Variants in DOCK10 observed in about 807,000 individuals in gnomAD.
DOCK10 encodes the protein dedicator of cytokinesis protein 10.
A neutral mutation model predicts 280.1 loss-of-function variants in DOCK10; 145 were observed. The ratio of observed to expected loss-of-function variants is 0.52; its 90% confidence interval spans 0.45 to 0.59. The LOEUF (loss-of-function observed/expected upper bound fraction) is 0.59, where lower values mean the gene tolerates loss of function less well. Ranked by LOEUF, DOCK10 falls within the 20% of genes least tolerant of loss-of-function variation. The pLI is 0.00. For missense variants in DOCK10, 2,368 were observed against 2,651.7 expected (o/e 0.89, Z 2.35); for synonymous variants, 915 against 942.2 (o/e 0.97, Z 0.53).
At chr2:225,010,654 A>AC (rs1689408039) in intron 1 of DOCK10, 2 of 154,312 alleles carry the variant, frequency 1.3e-5, no homozygotes, top group South Asian at 4.1e-4. Context: ...TTCAAATAAG[A>AC]CAGTTCATAC....
chr2:224,934,803 C>A (rs769239921), intron 1 of DOCK10, among the ~76,000 whole-genome samples: 1 of 152,142 alleles, frequency 6.6e-6, no homozygotes, highest in Non-Finnish European at 1.5e-5. Flanking sequence ...AAGGTATGTG[C>A]CAAGATTACT....
rs374303070 is a variant in DOCK10, at chr2:224,839,956, G to C, written c.2778C>G (p.Thr926=). The part of the protein sequence containing the change: ...NEEDEITTTV[T]RVLTDIVAKC... ...TCTTAAGGTTGTGTTATGGATACCT[G>C]GTGACAGTTGTAGTTATTTCATCTT... is the stretch of plus-strand genomic sequence containing the variant. Residue 926 remains threonine, a splice_region_variant and synonymous_variant, in exon 24 of 56, where the codon ACC becomes ACG. Coordinates refer to ENST00000258390, the MANE Select transcript of DOCK10 (RefSeq NM_014689.3). 104 of 1,447,918 alleles carry C rather than the reference G, an allele frequency of 7.2e-5. No individual in the cohort carries two copies. The highest frequency in any genetic ancestry group is 8.8e-5 in the South Asian group (7 of 79,494). 89.7% of individuals were successfully genotyped at this position (1,447,918 alleles called of 1,614,324 possible). A position where few individuals can be genotyped will look rare whatever the true frequency, so the allele number is the denominator to read the frequency against.
intron 27 of DOCK10, among the ~76,000 whole-genome samples, chr2:224,828,225 G>A (rs937724129): frequency 2.0e-5 from 3 of 152,204 alleles, no homozygotes; most frequent in Non-Finnish European, 4.4e-5. Context: ...ACCACCAGGA[G>A]GTAGGGCAGA....
chr2:224,932,792 T>C (rs1454173918), intron 1 of DOCK10, among the ~76,000 whole-genome samples: 1 of 152,240 alleles, frequency 6.6e-6, no homozygotes, highest in East Asian at 1.9e-4. Flanking sequence ...CTCCTAAGGC[T>C]TTCTTTGGAA....
intron 48 of DOCK10, 23 bp downstream of exon 48, chr2:224,789,041 A>C: frequency 6.8e-7 from 1 of 1,468,422 alleles, no homozygotes. Context: ...TCGTTACTGT[A>C]CATGAGATAA....
At chr2:224,951,394 G>A (rs920684909) in intron 1 of DOCK10, among the ~76,000 whole-genome samples, 3 of 151,960 alleles carry the variant, frequency 2.0e-5, no homozygotes, top group Non-Finnish European at 2.9e-5. Context: ...CATACAAAAC[G>A]CACAGTCTCA....
intron 1 of DOCK10, among the ~76,000 whole-genome samples, chr2:224,934,917 A>G (rs934676469): frequency 2.6e-5 from 4 of 152,178 alleles, no homozygotes; most frequent in Non-Finnish European, 4.4e-5. Context: ...GCATGGGAAA[A>G]GGCACCCACC....
chr2:224,770,115 GC>G lies in DOCK10; in HGVS notation c.6444+95del, dbSNP rs1690328647. 1.5e-6 allele frequency: 2 copies of G among 1,343,746 alleles called. No individual in the cohort carries two copies. The highest frequency in any genetic ancestry group is 1.9e-6 in the Non-Finnish European group (2 of 1,026,040). 83.2% of individuals were successfully genotyped at this position (1,343,746 alleles called of 1,614,324 possible). A position where few individuals can be genotyped will look rare whatever the true frequency, so the allele number is the denominator to read the frequency against. ...ACATGGTGCTGATGCAGTGATTTCT[GC>G]AGCAAGAAAAGGGCCTCTTTCCTGT... On this transcript the variant is annotated intron_variant, in intron 55 of 55. Coordinates refer to ENST00000258390, the MANE Select transcript of DOCK10 (RefSeq NM_014689.3). This position sits in a 1 kb window ranked among gnomAD's most constrained non-coding sequence, Gnocchi z 4.5.
intron 1 of DOCK10, among the ~76,000 whole-genome samples, chr2:225,035,723 T>C (rs914511391): frequency 5.3e-5 from 8 of 150,842 alleles, no homozygotes; most frequent in African/African-American, 1.7e-4. Flanking sequence ...TGGGTGTCTT[T>C]AACAACAGAC....
chr2:224,775,202 A>G (rs1215764615), intron 51 of DOCK10, 87 bp from the exon 52 acceptor site: 1 of 1,245,760 alleles, frequency 8.0e-7, no homozygotes, highest in Non-Finnish European at 1.2e-6. Context: ...GCTTGCATCC[A>G]GAGGAGGCTG....
intron 29 of DOCK10, among the ~76,000 whole-genome samples, chr2:224,818,683 C>T (rs1694312592): frequency 6.6e-6 from 1 of 152,174 alleles, no homozygotes; most frequent in Non-Finnish European, 1.5e-5. Context: ...CAGGCGTGAG[C>T]CACCGCGCCC....
At chr2:224,801,039 T>A (rs577458327) in intron 40 of DOCK10, among the ~76,000 whole-genome samples, 59 of 152,172 alleles carry the variant, frequency 3.9e-4, no homozygotes, top group Non-Finnish European at 6.0e-4. Flanking sequence ...AGAAAGGAAA[T>A]GTCTGGGTTA....
chr2:225,026,061 AG>A (rs1244716744), intron 1 of DOCK10, among the ~76,000 whole-genome samples: 1 of 152,214 alleles, frequency 6.6e-6, no homozygotes, highest in East Asian at 1.9e-4. Context: ...GGGTCTTGAA[AG>A]GCAAGCAGGA....
chr2:225,000,825 A>C (rs775685892), intron 1 of DOCK10, among the ~76,000 whole-genome samples: 2 of 152,152 alleles, frequency 1.3e-5, no homozygotes, highest in Non-Finnish European at 2.9e-5. Flanking sequence ...AAAATACAAA[A>C]ATTAGCTGAG....
At chr2:225,033,188 A>C (rs1347564114) in intron 1 of DOCK10, among the ~76,000 whole-genome samples, 2 of 116,424 alleles carry the variant, frequency 1.7e-5, no homozygotes, top group Non-Finnish European at 4.1e-5. Context: ...ATTTGGTACT[A>C]TTATTTTTTT....
At chr2:225,029,342 T>C (rs1013481529) in intron 1 of DOCK10, among the ~76,000 whole-genome samples, 1 of 152,130 alleles carries the variant, frequency 6.6e-6, no homozygotes. Context: ...TGGCTAACTT[T>C]TGTATTTTTA....
At chr2:224,788,447 A>G (rs1052169069) in intron 48 of DOCK10, among the ~76,000 whole-genome samples, 2 of 152,206 alleles carry the variant, frequency 1.3e-5, no homozygotes, top group African/African-American at 4.8e-5. Context: ...TATTTGCAAT[A>G]TATGCTAAAT....
At chr2:224,798,825 A>G (rs1453473375) in intron 41 of DOCK10, among the ~76,000 whole-genome samples, 1 of 151,880 alleles carries the variant, frequency 6.6e-6, no homozygotes. Context: ...GTAAAGATGA[A>G]GCTTCACTAT....
rs186344212 is a variant in DOCK10 at position 224,949,997 on chromosome 2, A to T, written c.124-18329T>A. 3.9e-5 allele frequency among the ~76,000 whole-genome samples: 6 copies of T among 152,318 alleles called. No individual in the cohort carries two copies. In the East Asian group the frequency reaches 1.2e-3, roughly 29 times the overall value. ...GAGAGATAGAATCAATTGAAGGTAG[A>T]AGTCAGGAGCTAGTTCATGGAAGGC... On this transcript the variant is annotated intron_variant, in intron 1 of 55. Transcript: ENST00000258390.
Sources: gnomAD v4.1 joint callset for allele counts (sites outside exome capture counted in the v4.1 genomes callset) on GRCh38, gnomAD v4.1.1 for gene constraint, Gnocchi (gnomAD v3.1) non-coding constraint, MANE v1.5 for transcripts, NCBI Gene and HGNC (gene_info 2026-07-23, HGNC 2026-07-21) for gene names.